Variants in CAT observed in about 807,000 individuals in gnomAD.
The protein encoded by CAT is catalase, also known as epididymis secretory sperm binding protein.
In CAT, 43 loss-of-function variants were observed where a neutral mutation model predicts 59.0. The observed-to-expected ratio is 0.73, with a 90% confidence interval of 0.57 to 0.94. CAT has a LOEUF of 0.94. Among genes scored for constraint, CAT ranks in the 40% least tolerant of loss-of-function variants. CAT has a pLI of 0.00. For missense variants in CAT, 664 were observed against 682.9 expected (o/e 0.97, Z 0.31); for synonymous variants, 218 against 230.9 (o/e 0.94, Z 0.51).
intron 11 of CAT, among the ~76,000 whole-genome samples, chr11:34,468,770 G>C (rs534700324): frequency 6.6e-6 from 1 of 152,126 alleles, no homozygotes; most frequent in Non-Finnish European, 1.5e-5. Context: ...TATATCAGCC[G>C]GTGTGATGGC....
chr11:34,439,849 C>T (rs1856366302), intron 1 of CAT, among the ~76,000 whole-genome samples: 4 of 152,120 alleles, frequency 2.6e-5, no homozygotes, highest in Admixed American at 2.6e-4. Context: ...GGTGAGGGCT[C>T]TAATAGAGGT....
Position 34,443,416 on chromosome 11 carries a change from TA to T in CAT, c.66+4342del, listed in dbSNP as rs200612912. Among the ~76,000 whole-genome samples, 1,336 of 152,370 alleles carry T rather than the reference TA, an allele frequency of 8.8e-3. 37 individuals carry two copies. In the South Asian group the frequency reaches 0.089, roughly 10 times the overall value. ...TTCATGAGTATGACCTCGATCCACT[TA>T]AAAATTCTTATTTCTTTTTCTCTCT... On this transcript the variant is annotated intron_variant, in intron 1 of 12. Transcript: ENST00000241052.
intron 11 of CAT, chr11:34,470,725 T>A: frequency 1.8e-6 from 1 of 563,908 alleles, no homozygotes. Context: ...CAGAGGGACA[T>A]AAGCTCAGTA....
intron 9 of CAT, 29 bp from the exon 10 acceptor site, chr11:34,464,076 A>G (rs752371782): frequency 1.9e-6 from 3 of 1,613,600 alleles, no homozygotes; most frequent in African/African-American, 1.3e-5. Flanking sequence ...TCTTATTCCT[A>G]AGTGCATCTG....
chr11:34,466,297 CT>C (rs747089328), intron 10 of CAT, among the ~76,000 whole-genome samples: 10 of 152,118 alleles, frequency 6.6e-5, no homozygotes, highest in Non-Finnish European at 1.3e-4. Flanking sequence ...GATTCTAGAC[CT>C]TTTTATATGG....
rs1284639340 is a variant in CAT, at chr11:34,461,200, A to G, written c.1057-51A>G. Reference sequence around the variant, plus strand: ...AGAATGAAGTTTACAGCCCATTCCTATGTTATATGTTACTGCCCCTAGTCA... The same window carrying G: ...AGAATGAAGTTTACAGCCCATTCCTGTGTTATATGTTACTGCCCCTAGTCA... On this transcript the variant is annotated intron_variant, in intron 8 of 12. Transcript: ENST00000241052. 2.5e-6 allele frequency: 4 copies of G among 1,595,170 alleles called. No homozygotes were observed. In the African/African-American group the frequency reaches 4.0e-5, roughly 16 times the overall value.
At chr11:34,470,914 AG>A (rs756635014) in intron 11 of CAT, 43 bp from the exon 12 acceptor site, 3 of 1,460,004 alleles carry the variant, frequency 2.1e-6, no homozygotes, top group Non-Finnish European at 2.9e-6. Context: ...GTGATATAGT[AG>A]GGAGTTAGAG....
chr11:34,441,637 TAAAAG>T (rs1201913888), intron 1 of CAT, among the ~76,000 whole-genome samples: 1 of 151,906 alleles, frequency 6.6e-6, no homozygotes, highest in African/African-American at 2.4e-5. Flanking sequence ...CTACAACAAA[TAAAAG>T]AAGTAGCCAG....
At chr11:34,454,057 T>C (rs1856561888) in intron 6 of CAT, 131 bp downstream of exon 6, 1 of 880,530 alleles carries the variant, frequency 1.1e-6, no homozygotes, top group Non-Finnish European at 1.8e-6. Context: ...TTGGGAAGTA[T>C]TGATCTCATT....
rs1161708757 is a variant in CAT, at chr11:34,457,250, T to C, written c.1056+433T>C. Among the ~76,000 whole-genome samples the C allele has an allele frequency of 2.8e-5, 4 of 143,634 alleles. No individual in the cohort carries two copies. The Admixed American group carries it at 2.9e-4, about 10-fold the overall frequency. 94.2% of individuals were successfully genotyped at this position (143,634 alleles called of 152,430 possible). On this transcript the variant is annotated intron_variant, in intron 8 of 12. Transcript: ENST00000241052. ...TTTTTTGTGACAGAGTCTTGCTCTG[T>C]CGCCCAGGCTGGAGTGCAGTGGCAT... is the stretch of plus-strand genomic sequence containing the variant.
chr11:34,471,533 G>A lies in CAT; in HGVS notation c.*100G>A, dbSNP rs1051118230. ...TCCTGTGCTAGATGTGCAAATGCAA[G>A]CTAGTGGCTTCAAAATAGAGAATCC... On this transcript the variant is annotated 3_prime_UTR_variant, in exon 13 of 13. Coordinates refer to ENST00000241052, the MANE Select transcript of CAT (RefSeq NM_001752.4). 1.0e-6 allele frequency: 1 copy of A among 973,604 alleles called. No homozygotes were observed. 60.3% of individuals were successfully genotyped at this position (973,604 alleles called of 1,614,324 possible).
At chr11:34,460,372 G>A (rs1388427527) in intron 8 of CAT, among the ~76,000 whole-genome samples, 2 of 144,896 alleles carry the variant, frequency 1.4e-5, no homozygotes, top group Admixed American at 1.4e-4. Context: ...TGTTATTGTT[G>A]TTTATATCTA....
At chr11:34,457,085 A>C (rs1194574711) in intron 8 of CAT, 1 of 470,444 alleles carries the variant, frequency 2.1e-6, no homozygotes, top group Non-Finnish European at 3.8e-6. Flanking sequence ...ATTAAAAAAA[A>C]AAGACATAAT....
At chr11:34,471,087 T>G (rs1296580672) in intron 12 of CAT, 46 bp downstream of exon 12, 1 of 1,514,888 alleles carries the variant, frequency 6.6e-7, no homozygotes, top group East Asian at 2.2e-5. Flanking sequence ...GTGTGCTGGG[T>G]TGGAGTAGGC....
Position 34,449,169 on chromosome 11 carries a change from ACTTT to A in CAT, c.67-16_67-13del. 6.2e-7 allele frequency: 1 copy of A among 1,610,728 alleles called. No individual in the cohort carries two copies. The highest frequency in any genetic ancestry group is 1.3e-5 in the African/African-American group (1 of 74,982). On this transcript the variant is annotated intron_variant, in intron 1 of 12. Coordinates refer to ENST00000241052, the MANE Select transcript of CAT (RefSeq NM_001752.4). Reference sequence around the variant, plus strand: ...GGTTTGATTGTGCTAACTCTCCTGCACTTTCTTTCTGTGTTCCTGTAGAAAGCTG... The same window carrying A: ...GGTTTGATTGTGCTAACTCTCCTGCACTTTCTGTGTTCCTGTAGAAAGCTG...
chr11:34,448,692 A>G (rs1856487486), intron 1 of CAT, among the ~76,000 whole-genome samples: 1 of 152,156 alleles, frequency 6.6e-6, no homozygotes, highest in Admixed American at 6.5e-5. Context: ...GATGTTGCAA[A>G]TAGCTGGTGT....
At chr11:34,449,935 A>G (rs1035450938) in intron 2 of CAT, among the ~76,000 whole-genome samples, 1 of 152,224 alleles carries the variant, frequency 6.6e-6, no homozygotes, top group African/African-American at 2.4e-5. Flanking sequence ...GGCAAGAGCC[A>G]GCCCTGGACA....
Position 34,451,084 on chromosome 11 carries a change from G to T in CAT, c.335G>T (p.Arg112Leu). The T allele has an allele frequency of 6.2e-7, 1 of 1,605,462 alleles. No homozygotes were observed. Among genetic ancestry groups the T allele is most frequent in the African/African-American group, 1.3e-5 (1 of 74,844 alleles). Reference protein sequence around the residue: ...HIGKKTPIAVRFSTVAGESGS... With the variant: ...HIGKKTPIAVLFSTVAGESGS... ...GGAAAGAAGACTCCCATCGCAGTTC[G>T]GTTCTCCACTGTTGGTAAGTTGGTT... is the stretch of plus-strand genomic sequence containing the variant. The change falls in exon 3 of 13, where the codon CGG (arginine) becomes CTG (leucine). Residue 112 changes from arginine (R) to leucine (L), a missense_variant. Arg to Leu is a moderately radical substitution (Grantham distance 102). Transcript: ENST00000241052.
At chr11:34,449,452 A>C (rs1325374687) in intron 2 of CAT, 89 bp downstream of exon 2, 47 of 1,124,320 alleles carry the variant, frequency 4.2e-5, no homozygotes, top group Non-Finnish European at 5.7e-5. Context: ...GACCTTTAAC[A>C]CAAGTGTCAA....
Sources: gnomAD v4.1 joint callset for allele counts (sites outside exome capture counted in the v4.1 genomes callset) on GRCh38, gnomAD v4.1.1 for gene constraint, MANE v1.5 for transcripts, NCBI Gene and HGNC (gene_info 2026-07-23, HGNC 2026-07-21) for gene names.